Variants in IQCB1 observed in about 807,000 individuals in gnomAD.
IQCB1 encodes the protein IQ calmodulin-binding motif-containing protein 1.
Under a neutral mutation model 84.4 loss-of-function variants are expected in IQCB1, and 56 were observed. That is an observed-to-expected ratio of 0.66 (90% CI 0.54 to 0.83). The LOEUF (loss-of-function observed/expected upper bound fraction) is 0.83. Among genes scored for constraint, IQCB1 ranks in the 40% least tolerant of loss-of-function variants. The pLI is 0.00. For synonymous variants in IQCB1, 210 were observed against 234.8 expected (o/e 0.89, Z 0.96); for missense variants, 629 against 682.1 (o/e 0.92, Z 0.87).
intron 8 of IQCB1, among the ~76,000 whole-genome samples, chr3:121,798,018 G>A (rs568425135): frequency 6.6e-6 from 1 of 151,908 alleles, no homozygotes; most frequent in Non-Finnish European, 1.5e-5. Context: ...TCAGGAATCT[G>A]AATAAGTTCT....
At chr3:121,806,091 T>A (rs1411672542) in intron 7 of IQCB1, among the ~76,000 whole-genome samples, 1 of 152,162 alleles carries the variant, frequency 6.6e-6, no homozygotes, top group Non-Finnish European at 1.5e-5. Flanking sequence ...TTATGTGTCA[T>A]GTTTTTGTCC....
Position 121,790,164 on chromosome 3 carries a change from C to G in IQCB1, c.1038G>C (p.Glu346Asp), listed in dbSNP as rs777390630. Residue 346 changes from glutamate to aspartate, a missense_variant, in exon 11 of 15, where the codon GAG (glutamate) becomes GAC (aspartate). By Grantham distance (45) the Glu-to-Asp change is conservative (BLOSUM62 2). Coordinates refer to ENST00000310864, the MANE Select transcript of IQCB1 (RefSeq NM_001023570.4). Reference sequence around the variant, plus strand: ...GAAGTTGCAATTGTAATTTGAGGTCCTCTTCTTCCTTCTGCCTATTTATCT... The same window carrying G: ...GAAGTTGCAATTGTAATTTGAGGTCGTCTTCTTCCTTCTGCCTATTTATCT... Reference protein sequence around the residue: ...LLEINRQKEEEDLKLQLQLQR... With the variant: ...LLEINRQKEEDDLKLQLQLQR... 1.2e-6 allele frequency: 2 copies of G among 1,613,450 alleles called. No homozygotes were observed. Among genetic ancestry groups the G allele is most frequent in the South Asian group, 1.1e-5 (1 of 91,052 alleles).
intron 13 of IQCB1, among the ~76,000 whole-genome samples, chr3:121,779,034 C>G (rs1377441234): frequency 6.6e-6 from 1 of 151,968 alleles, no homozygotes; most frequent in Non-Finnish European, 1.5e-5. Flanking sequence ...CAAACATGCA[C>G]CTTGTGCACA....
intron 12 of IQCB1, among the ~76,000 whole-genome samples, chr3:121,787,531 T>G (rs1290302445): frequency 1.3e-5 from 2 of 152,146 alleles, no homozygotes; most frequent in African/African-American, 4.8e-5. Context: ...GGTGGGCAGA[T>G]CACGAGGTCT....
intron 11 of IQCB1, 100 bp downstream of exon 11, chr3:121,789,973 G>C: frequency 9.8e-7 from 1 of 1,023,956 alleles, no homozygotes. Context: ...AAGGACAAAA[G>C]TCCAAATTTA....
chr3:121,826,201 C>T lies in IQCB1; in HGVS notation c.264-21G>A, dbSNP rs115133919. The stretch of plus-strand genomic sequence containing the variant: ...AATGGCTGAAATAAGAGCACAAGTT[C>T]GTGTTAATTAGAAGTTTATGTTGAA... On this transcript the variant is annotated intron_variant, in intron 4 of 14. Transcript: ENST00000310864. The T allele has an allele frequency of 1.9e-3, 2,996 of 1,612,666 alleles. 51 individuals are homozygous for T. The African/African-American group carries it at 0.034, about 18-fold the overall frequency.
intron 7 of IQCB1, among the ~76,000 whole-genome samples, chr3:121,802,403 T>C (rs994908449): frequency 1.3e-5 from 2 of 152,280 alleles, no homozygotes; most frequent in East Asian, 3.9e-4. Flanking sequence ...TTGATCTAAG[T>C]TGTTAAATTT....
At chr3:121,784,745 G>A (rs1576548853) in intron 12 of IQCB1, among the ~76,000 whole-genome samples, 1 of 152,056 alleles carries the variant, frequency 6.6e-6, no homozygotes, top group Non-Finnish European at 1.5e-5. Context: ...GCAGTGGCTT[G>A]ATTATGGCTC....
intron 12 of IQCB1, among the ~76,000 whole-genome samples, chr3:121,786,202 A>AGAGAAGAG (rs1559760960): frequency 1.4e-5 from 2 of 146,300 alleles, no homozygotes; most frequent in African/African-American, 5.2e-5. Context: ...AAAGAAAAGA[A>AGAGAAGAG]AAGAAAAGAA....
chr3:121,785,255 C>CTTT lies in IQCB1; in HGVS notation c.1278+3026_1278+3028dup, dbSNP rs1012749746. On this transcript the variant is annotated intron_variant, in intron 12 of 14. Transcript: ENST00000310864. Reference sequence around the variant, plus strand: ...AGGATATTCCTACTCCTTTATATTACTTTTTTTTTTTTTTGAGGCAGGGTC... The same window carrying CTTT: ...AGGATATTCCTACTCCTTTATATTACTTTTTTTTTTTTTTTTTGAGGCAGGGTC... Among the ~76,000 whole-genome samples the CTTT allele has an allele frequency of 3.1e-4, 45 of 143,878 alleles. No homozygotes were observed. In the Middle Eastern group the frequency reaches 0.011, roughly 34 times the overall value. 94.4% of individuals were successfully genotyped at this position (143,878 alleles called of 152,430 possible). A position where few individuals can be genotyped will look rare whatever the true frequency, so the allele number is the denominator to read the frequency against.
In IQCB1 at chr3:121,790,222, T is replaced by C. The variant is rs1948909238; in HGVS notation, c.987-7A>G. The C allele has an allele frequency of 6.2e-7, 1 of 1,613,034 alleles. No homozygotes were observed. Among genetic ancestry groups the C allele is most frequent in the Non-Finnish European group, 8.5e-7 (1 of 1,179,192 alleles). The stretch of plus-strand genomic sequence containing the variant: ...CATCTTTGATCGTTTGGATCTGTGA[T>C]GGAAACAGTGTGTTATACATAATTT... On this transcript the variant is annotated splice_polypyrimidine_tract_variant and splice_region_variant and intron_variant, in intron 10 of 14. Coordinates refer to ENST00000310864, the MANE Select transcript of IQCB1 (RefSeq NM_001023570.4).
In IQCB1 at chr3:121,828,578, T is replaced by C. The variant is rs763814255; in HGVS notation, c.155A>G (p.Asp52Gly). ...GSSELKKIKQ[D>G]IYCYDLIQYC... is the part of the protein sequence containing the mutation. ...TTGAATGAGATCATAACAATATATA[T>C]CTTGTTTGATTTTCTTCAACTCTGA... Residue 52 changes from aspartate (D) to glycine (G), a missense_variant, in exon 4 of 15, where the codon GAT (aspartate) becomes GGT (glycine). Transcript: ENST00000310864. 11 of 1,604,726 alleles carry C rather than the reference T, an allele frequency of 6.9e-6. No individual in the cohort carries two copies. The South Asian group carries it at 7.7e-5, about 11-fold the overall frequency.
At chr3:121,781,653 ACACACACACAATATATGTG>A (rs1948497606) in intron 13 of IQCB1, 71 bp downstream of exon 13, 1 of 985,724 alleles carries the variant, frequency 1.0e-6, no homozygotes. Context: ...ACACACACAC[ACACACACACAATATATGTG>A]TGTGTGTGTA....
At chr3:121,781,667 T>G in intron 13 of IQCB1, 76 bp downstream of exon 13, 1 of 1,189,336 alleles carries the variant, frequency 8.4e-7, no homozygotes, top group Non-Finnish European at 1.2e-6. Flanking sequence ...ACACACAATA[T>G]ATGTGTGTGT....
chr3:121,798,398 C>A (rs1949281756), intron 8 of IQCB1, among the ~76,000 whole-genome samples: 1 of 151,716 alleles, frequency 6.6e-6, no homozygotes, highest in Admixed American at 6.6e-5. Flanking sequence ...CCTGACCACG[C>A]TGAATAAGAA....
intron 5 of IQCB1, among the ~76,000 whole-genome samples, chr3:121,810,254 G>A (rs991004962): frequency 2.6e-5 from 4 of 152,098 alleles, no homozygotes; most frequent in African/African-American, 9.7e-5. Flanking sequence ...GAACGTGTAT[G>A]TCCCACCATA....
rs61374218 is a variant in IQCB1 at position 121,787,749 on chromosome 3, C to CA, written c.1278+534dup. ...CTTGCAACAGAGCAAGAATCCGTCT[C>CA]AAAAAAAAAAAAAAAATACAATTCT... On this transcript the variant is annotated intron_variant, in intron 12 of 14. Coordinates refer to ENST00000310864, the MANE Select transcript of IQCB1 (RefSeq NM_001023570.4). Among the ~76,000 whole-genome samples, 908 of 124,048 alleles carry CA rather than the reference C, an allele frequency of 7.3e-3. 7 individuals are homozygous for CA. Among genetic ancestry groups the CA allele is most frequent in the African/African-American group, 0.018 (624 of 34,542 alleles). 81.4% of individuals were successfully genotyped at this position (124,048 alleles called of 152,430 possible).
intron 7 of IQCB1, among the ~76,000 whole-genome samples, chr3:121,800,189 T>C (rs907238272): frequency 2.0e-5 from 3 of 151,932 alleles, no homozygotes; most frequent in Admixed American, 6.6e-5. Flanking sequence ...TATTAGCAAA[T>C]TTTAAAAATC....
chr3:121,808,156 C>T (rs1434031315), intron 6 of IQCB1, among the ~76,000 whole-genome samples: 4 of 151,834 alleles, frequency 2.6e-5, no homozygotes, highest in South Asian at 2.1e-4. Context: ...ACTAACTGAA[C>T]GTAGTTGCCT....
Sources: allele counts gnomAD v4.1 joint callset (sites outside exome capture counted in the v4.1 genomes callset), GRCh38; gene constraint gnomAD v4.1.1; transcripts MANE v1.5; gene names NCBI Gene and HGNC (gene_info 2026-07-23, HGNC 2026-07-21).